The following SUFU variants were observed in gnomAD, a reference collection of about 807,000 sequenced individuals.
The protein encoded by SUFU is SUFU negative regulator of hedgehog signaling.
In SUFU, 7 loss-of-function variants were observed where a neutral mutation model predicts 58.9. The observed-to-expected ratio is 0.12, with a 90% confidence interval of 0.07 to 0.22. The LOEUF (loss-of-function observed/expected upper bound fraction) is 0.22, where lower values mean the gene tolerates loss of function less well. SUFU is among the 10% of genes least tolerant of loss of function. The pLI is 1.00. For synonymous variants in SUFU, 232 were observed against 254.8 expected (o/e 0.91, Z 0.85); for missense variants, 451 against 641.3 (o/e 0.70, Z 3.20).
rs142383792 is a variant in SUFU at position 102,593,704 on chromosome 10, G to T, written c.666G>T (p.Leu222=). Residue 222 remains leucine, a synonymous_variant, in exon 5 of 12, where the codon CTG becomes CTT. Coordinates refer to ENST00000369902, the MANE Select transcript of SUFU (RefSeq NM_016169.4). Reference sequence around the variant, plus strand: ...GGAACGGGCAGGGCATCCTGGAGCTGCTGCGGACAGTGCCTATGTGAGTAC... The same window carrying T: ...GGAACGGGCAGGGCATCCTGGAGCTTCTGCGGACAGTGCCTATGTGAGTAC... ...QQWNGQGILE[L]LRTVPIAGGP... 83 of 1,614,114 alleles carry T rather than the reference G, an allele frequency of 5.1e-5. No individual in the cohort carries two copies. The highest frequency in any genetic ancestry group is 6.3e-5 in the Non-Finnish European group (74 of 1,180,048).
At chr10:102,508,551 A>G (rs1187156346) in intron 1 of SUFU, among the ~76,000 whole-genome samples, 1 of 152,146 alleles carries the variant, frequency 6.6e-6, no homozygotes, top group Non-Finnish European at 1.5e-5. Context: ...GTTAAGCCTA[A>G]GTTTGGCCTT....
intron 2 of SUFU, among the ~76,000 whole-genome samples, chr10:102,521,099 A>G (rs2135667378): frequency 6.6e-6 from 1 of 152,314 alleles, no homozygotes; most frequent in East Asian, 1.9e-4. Flanking sequence ...GCAATGAATG[A>G]GAGTTCCTAT....
chr10:102,632,526 G>A lies in SUFU; in HGVS notation c.*2371G>A. ...CCTCCCAGAGGTTTCTTGGGCTGCT[G>A]GCTGGTGAGAGAGGACCCTTAAAGA... On this transcript the variant is annotated 3_prime_UTR_variant, in exon 12 of 12. Coordinates refer to ENST00000369902, the MANE Select transcript of SUFU (RefSeq NM_016169.4). The A allele has an allele frequency of 4.3e-6, 1 of 233,386 alleles. No homozygotes were observed. The highest frequency in any genetic ancestry group is 6.0e-5 in the East Asian group (1 of 16,578). The allele number at this position is 233,386 out of a possible 1,614,324, so 14.5% of individuals were successfully genotyped here.
chr10:102,629,469 A>G lies in SUFU; in HGVS notation c.1366-597A>G, dbSNP rs2063818133. 6.6e-6 allele frequency among the ~76,000 whole-genome samples: 1 copy of G among 152,118 alleles called. No individual in the cohort carries two copies. Among genetic ancestry groups the G allele is most frequent in the Admixed American group, 6.5e-5 (1 of 15,270 alleles). On this transcript the variant is annotated intron_variant, in intron 11 of 11. Transcript: ENST00000369902. The surrounding 1 kb of genome is among the most constrained non-coding windows in gnomAD (Gnocchi z 4.7). ...AATGAATACAGGGAGCAGGGTGGGG[A>G]TTGGCCCCTCTCAGGCCCAAGGGAT...
At chr10:102,596,705 T>G (rs1564698516) in intron 6 of SUFU, among the ~76,000 whole-genome samples, 1 of 152,184 alleles carries the variant, frequency 6.6e-6, no homozygotes, top group African/African-American at 2.4e-5. Flanking sequence ...CTGTTTTCTA[T>G]AGCAGTGACT....
rs1162195255 is a variant in SUFU, at chr10:102,545,293, A to ATTTTTTTT, written c.318-4663_318-4656dup. On this transcript the variant is annotated intron_variant, in intron 2 of 11. Coordinates refer to ENST00000369902, the MANE Select transcript of SUFU (RefSeq NM_016169.4). ...GCCACCATGCCTGGCTAATTTTTGT[A>ATTTTTTTT]TTTTTTTTTTTTTTTTTTTTTGTAG... 4.0e-4 allele frequency among the ~76,000 whole-genome samples: 43 copies of ATTTTTTTT among 106,204 alleles called. 1 individual carries two copies. Among genetic ancestry groups the ATTTTTTTT allele is most frequent in the East Asian group, 5.7e-4 (2 of 3,526 alleles). The allele number at this position is 106,204 out of a possible 152,430, so 69.7% of individuals were successfully genotyped here. A position where few individuals can be genotyped will look rare whatever the true frequency, so the allele number is the denominator to read the frequency against.
At chr10:102,622,828 A>G (rs867168861) in intron 10 of SUFU, among the ~76,000 whole-genome samples, 1,846 of 151,452 alleles carry the variant, frequency 0.012, 14 homozygotes, top group Middle Eastern at 0.02. Flanking sequence ...CAGAAGAAAA[A>G]AAAAAAAAAA....
intron 3 of SUFU, among the ~76,000 whole-genome samples, chr10:102,592,010 G>A (rs2063407521): frequency 6.6e-6 from 1 of 152,180 alleles, no homozygotes; most frequent in South Asian, 2.1e-4. Context: ...GCACTATTTA[G>A]ACCTCCATTT....
intron 7 of SUFU, among the ~76,000 whole-genome samples, chr10:102,598,968 G>A (rs575127947): frequency 4.2e-4 from 64 of 152,262 alleles, no homozygotes; most frequent in Middle Eastern, 3.4e-3. Context: ...TGAATGCAAG[G>A]GGAAGGAGTG....
chr10:102,606,093 A>T (rs1294634411), intron 8 of SUFU, among the ~76,000 whole-genome samples: 1 of 152,176 alleles, frequency 6.6e-6, no homozygotes, highest in Non-Finnish European at 1.5e-5. Flanking sequence ...GAGGGGAAGC[A>T]TGGTTGAGAC....
intron 3 of SUFU, among the ~76,000 whole-genome samples, chr10:102,584,360 T>A (rs546638450): frequency 4.0e-4 from 61 of 152,306 alleles, no homozygotes; most frequent in Non-Finnish European, 7.5e-4. Flanking sequence ...GTCTTTTTTT[T>A]AATTTAAGAT....
At chr10:102,568,962 A>ATATATATC (rs1409831622) in intron 3 of SUFU, among the ~76,000 whole-genome samples, 17 of 80,900 alleles carry the variant, frequency 2.1e-4, no homozygotes, top group South Asian at 4.3e-4. Flanking sequence ...ATATATATAT[A>ATATATATC]TCTATAGCAG....
intron 2 of SUFU, among the ~76,000 whole-genome samples, chr10:102,529,127 A>G (rs1391204106): frequency 1.3e-5 from 2 of 152,156 alleles, no homozygotes; most frequent in Non-Finnish European, 2.9e-5. Flanking sequence ...AAGTTTTGCT[A>G]CATACAGTAG....
In SUFU at chr10:102,630,903, C is replaced by G. The variant is rs1206655120; in HGVS notation, c.*748C>G. The G allele has an allele frequency of 1.7e-5, 4 of 235,408 alleles. No homozygotes were observed. The highest frequency in any genetic ancestry group is 3.3e-5 in the Non-Finnish European group (4 of 119,658). The allele number at this position is 235,408 out of a possible 1,614,324, so 14.6% of individuals were successfully genotyped here. ...TTCTTCCCAGCTGGGCCTGGTGGAGCCCGGGGCAGGGGGAGAGTAGAGACA... is the reference window on the plus strand; with the variant it reads ...TTCTTCCCAGCTGGGCCTGGTGGAGGCCGGGGCAGGGGGAGAGTAGAGACA... On this transcript the variant is annotated 3_prime_UTR_variant, in exon 12 of 12. Transcript: ENST00000369902.
At chr10:102,519,701 A>G in intron 2 of SUFU, among the ~76,000 whole-genome samples, 1 of 152,164 alleles carries the variant, frequency 6.6e-6, no homozygotes, top group East Asian at 1.9e-4. Flanking sequence ...TGATCCTTAT[A>G]TCAATGCAGA....
At chr10:102,572,206 C>T (rs903024188) in intron 3 of SUFU, among the ~76,000 whole-genome samples, 3 of 151,184 alleles carry the variant, frequency 2.0e-5, no homozygotes, top group East Asian at 3.9e-4. Flanking sequence ...GCTGGGATTA[C>T]AGGCACCGGC....
chr10:102,568,949 T>TAC (rs1396504288), intron 3 of SUFU, among the ~76,000 whole-genome samples: 3 of 103,716 alleles, frequency 2.9e-5, no homozygotes, highest in African/African-American at 1.1e-4. Context: ...TATATATATA[T>TAC]ATATATATAT....
At chr10:102,606,991 T>C (rs1437302910) in intron 8 of SUFU, among the ~76,000 whole-genome samples, 3 of 151,676 alleles carry the variant, frequency 2.0e-5, no homozygotes, top group Admixed American at 6.6e-5. Flanking sequence ...TCCAAGAAAA[T>C]AAAATTGATA....
intron 2 of SUFU, among the ~76,000 whole-genome samples, chr10:102,547,565 T>G (rs886470070): frequency 1.3e-5 from 2 of 152,174 alleles, no homozygotes; most frequent in East Asian, 1.9e-4. Context: ...CTCTTGCCTG[T>G]GTTCCTAGCA....
Sources: allele counts gnomAD v4.1 joint callset (sites outside exome capture counted in the v4.1 genomes callset), GRCh38; gene constraint gnomAD v4.1.1; non-coding constraint Gnocchi (gnomAD v3.1); transcripts MANE v1.5; gene names NCBI Gene and HGNC (gene_info 2026-07-23, HGNC 2026-07-21).